MATN2: variants seen among roughly 807,000 people sequenced by gnomAD.
The protein encoded by MATN2 is matrilin-2.
Under a neutral mutation model 103.2 loss-of-function variants are expected in MATN2, and 69 were observed. The observed-to-expected ratio is 0.67, with a 90% CI of 0.55 to 0.82. MATN2 has a LOEUF of 0.82. Ranked by LOEUF, MATN2 falls within the 40% of genes least tolerant of loss-of-function variation. The pLI is 0.00. For missense variants in MATN2, 1,023 were observed against 1,211.5 expected (o/e 0.84, Z 2.31); for synonymous variants, 429 against 450.2 (o/e 0.95, Z 0.60).
chr8:97,900,943 C>CA (rs1334758376), intron 2 of MATN2, among the ~76,000 whole-genome samples: 4 of 151,448 alleles, frequency 2.6e-5, no homozygotes, highest in Middle Eastern at 3.2e-3. Context: ...CCCGCCCCCC[C>CA]AAAAAAAGAT....
intron 2 of MATN2, among the ~76,000 whole-genome samples, chr8:97,921,733 G>A (rs1809813323): frequency 6.6e-6 from 1 of 152,230 alleles, no homozygotes; most frequent in Non-Finnish European, 1.5e-5. Flanking sequence ...AGGGAGCACA[G>A]TGGTGGGTGG....
rs778111623 is a variant in MATN2, at chr8:98,003,612, C to T, written c.1205-49C>T. 8 of 1,611,082 alleles carry T rather than the reference C, an allele frequency of 5.0e-6. No homozygotes were observed. In the East Asian group the frequency reaches 1.8e-4, roughly 36 times the overall value. On this transcript the variant is annotated intron_variant, in intron 7 of 18. Transcript: ENST00000254898. ...GAGCCCCGAGGGGCTGCCATCAGCCCTGGGAGAGGTCCAGAGTCTGAAGGA... is the reference window on the plus strand; with the variant it reads ...GAGCCCCGAGGGGCTGCCATCAGCCTTGGGAGAGGTCCAGAGTCTGAAGGA...
chr8:98,033,725 C>CT (rs1475190017), intron 18 of MATN2, 66 bp downstream of exon 18: 1 of 1,052,374 alleles, frequency 9.5e-7, no homozygotes, highest in Non-Finnish European at 1.4e-6. Context: ...TTCACACACT[C>CT]TATGTAGGTT....
intron 13 of MATN2, among the ~76,000 whole-genome samples, chr8:98,026,508 A>G (rs1048328969): frequency 6.6e-6 from 1 of 152,086 alleles, no homozygotes; most frequent in Admixed American, 6.5e-5. Flanking sequence ...CTCCTGCCTC[A>G]GCCTCCCAAT....
At chr8:98,031,956 C>T (rs372491207) in intron 15 of MATN2, 3 of 225,370 alleles carry the variant, frequency 1.3e-5, no homozygotes, top group East Asian at 1.7e-4. Flanking sequence ...AATCCCTCAA[C>T]AACTTCACCT....
intron 2 of MATN2, among the ~76,000 whole-genome samples, chr8:97,908,433 G>A (rs1198443163): frequency 6.6e-6 from 1 of 152,166 alleles, no homozygotes; most frequent in Admixed American, 6.5e-5. Context: ...AACATGGTGA[G>A]AGCCCATCTC....
chr8:97,948,848 A>G (rs1235067320), intron 4 of MATN2, among the ~76,000 whole-genome samples: 1 of 151,346 alleles, frequency 6.6e-6, no homozygotes, highest in Non-Finnish European at 1.5e-5. Flanking sequence ...TACAAAACAT[A>G]AAAGAAAAAA....
intron 1 of MATN2, among the ~76,000 whole-genome samples, 156 bp downstream of exon 1, chr8:97,869,443 C>T (rs1439692986): frequency 7.9e-6 from 1 of 126,958 alleles, no homozygotes; most frequent in African/African-American, 2.6e-5. Context: ...GGGGCCCCGG[C>T]GCCTTCGACC....
chr8:97,933,530 C>A (rs59681954), intron 3 of MATN2, among the ~76,000 whole-genome samples: 9 of 131,564 alleles, frequency 6.8e-5, no homozygotes, highest in South Asian at 3.1e-4. Flanking sequence ...CCCCTCCCCC[C>A]ACCCCCGCAA....
chr8:97,896,767 C>T (rs1818822588), intron 2 of MATN2, among the ~76,000 whole-genome samples: 1 of 148,654 alleles, frequency 6.7e-6, no homozygotes. Flanking sequence ...CACAGTAGGG[C>T]TGGGCAGTGG....
At chr8:97,906,379 C>T (rs73698345) in intron 2 of MATN2, among the ~76,000 whole-genome samples, 4,204 of 152,214 alleles carry the variant, frequency 0.028, 184 homozygotes, top group African/African-American at 0.096. Context: ...GATATTGTCA[C>T]ATGTCCAAGG....
rs79371551 is a variant in MATN2 at position 97,894,692 on chromosome 8, T to C, written c.142+6450T>C. Among the ~76,000 whole-genome samples, 7 of 152,286 alleles carry C rather than the reference T, an allele frequency of 4.6e-5. No individual in the cohort carries two copies. The East Asian group carries it at 1.2e-3, about 25-fold the overall frequency. Reference sequence around the variant, plus strand: ...GTGTATTAAGAGACACTTATTTTCATTTTTGCATGTATCTCTAAACCTGAC... The same window carrying C: ...GTGTATTAAGAGACACTTATTTTCACTTTTGCATGTATCTCTAAACCTGAC... On this transcript the variant is annotated intron_variant, in intron 2 of 18. Coordinates refer to ENST00000254898, the MANE Select transcript of MATN2 (RefSeq NM_002380.5).
At chr8:97,954,293 CTT>C (rs1202994800) in intron 4 of MATN2, among the ~76,000 whole-genome samples, 1 of 152,218 alleles carries the variant, frequency 6.6e-6, no homozygotes, top group African/African-American at 2.4e-5. Context: ...TCAAAATCAT[CTT>C]TTCAGTTCAC....
chr8:98,016,550 T>C lies in MATN2; in HGVS notation c.1584T>C (p.Ser528=). The C allele has an allele frequency of 1.2e-6, 2 of 1,608,728 alleles. No homozygotes were observed. The highest frequency in any genetic ancestry group is 1.7e-6 in the Non-Finnish European group (2 of 1,177,124). ...CCATTTGATTCTCAGAATTGGACTC[T>C]TGTGCTCTGGGGGACCACGGTTGTG... is the stretch of plus-strand genomic sequence containing the variant. The part of the protein sequence containing the change: ...SDGKTCAKLD[S]CALGDHGCEH... The change falls in exon 11 of 19, where the codon TCT becomes TCC. Residue 528 remains serine, a synonymous_variant. Transcript: ENST00000254898.
intron 11 of MATN2, among the ~76,000 whole-genome samples, chr8:98,017,162 T>C (rs1319103545): frequency 3.3e-5 from 5 of 152,254 alleles, no homozygotes; most frequent in Non-Finnish European, 5.9e-5. Flanking sequence ...AATCCAAGAT[T>C]CAGTCAACCT....
chr8:98,035,072 A>G (rs1057173727), intron 18 of MATN2, among the ~76,000 whole-genome samples: 1 of 151,610 alleles, frequency 6.6e-6, no homozygotes, highest in Non-Finnish European at 1.5e-5. Flanking sequence ...AATAAATAAA[A>G]TAAGGCCGGG....
chr8:97,938,434 T>A (rs1232113011), intron 3 of MATN2, among the ~76,000 whole-genome samples: 1 of 152,168 alleles, frequency 6.6e-6, no homozygotes, highest in African/African-American at 2.4e-5. Flanking sequence ...TGGAAGGCAA[T>A]CAGGCCATAT....
At chr8:97,870,310 G>C (rs1817849566) in intron 1 of MATN2, among the ~76,000 whole-genome samples, 3 of 152,234 alleles carry the variant, frequency 2.0e-5, no homozygotes, top group South Asian at 2.1e-4. Context: ...CCTGAGGTCG[G>C]GAGTTCGAGA....
chr8:97,894,520 C>T (rs148676733), intron 2 of MATN2, among the ~76,000 whole-genome samples: 36 of 152,056 alleles, frequency 2.4e-4, no homozygotes, highest in African/African-American at 8.7e-4. Context: ...CAGGGTCTTA[C>T]TATGTTGCAC....
Sources: allele counts gnomAD v4.1 joint callset (sites outside exome capture counted in the v4.1 genomes callset), GRCh38; gene constraint gnomAD v4.1.1; transcripts MANE v1.5; gene names NCBI Gene and HGNC (gene_info 2026-07-23, HGNC 2026-07-21).